The following AOPEP variants were observed in gnomAD, a reference collection of about 807,000 sequenced individuals.
AOPEP encodes the protein aminopeptidase O.
In AOPEP, 77 loss-of-function variants were observed where a neutral mutation model predicts 98.1. The ratio of observed to expected loss-of-function variants is 0.78; its 90% CI spans 0.65 to 0.95. The LOEUF (loss-of-function observed/expected upper bound fraction) is 0.95. Ranked by LOEUF, AOPEP falls within the 40% of genes least tolerant of loss-of-function variation. The pLI is 0.00. For missense variants in AOPEP, 1,024 were observed against 1,024.7 expected (o/e 1.00, Z 0.01); for synonymous variants, 346 against 365.3 (o/e 0.95, Z 0.60).
At chr9:94,875,917 C>T (rs1157372720) in intron 5 of AOPEP, among the ~76,000 whole-genome samples, 2 of 152,178 alleles carry the variant, frequency 1.3e-5, no homozygotes, top group Non-Finnish European at 2.9e-5. Flanking sequence ...CCATTCAACA[C>T]TCAATAGATA....
intron 5 of AOPEP, among the ~76,000 whole-genome samples, chr9:94,918,573 G>A (rs1357660889): frequency 6.6e-6 from 1 of 152,226 alleles, no homozygotes; most frequent in Non-Finnish European, 1.5e-5. Context: ...GACTGTGTGA[G>A]CTCCAGTCCT....
intron 7 of AOPEP, chr9:94,932,196 C>T (rs1458585795): frequency 1.0e-6 from 1 of 988,554 alleles, no homozygotes; most frequent in Non-Finnish European, 1.2e-6. Context: ...GAAGGACATA[C>T]AGGTCAGGGT....
chr9:94,823,300 T>G (rs1853688359), intron 5 of AOPEP, among the ~76,000 whole-genome samples: 1 of 152,210 alleles, frequency 6.6e-6, no homozygotes, highest in Non-Finnish European at 1.5e-5. Flanking sequence ...CTGGCTTATA[T>G]GAAATGCTAA....
intron 5 of AOPEP, among the ~76,000 whole-genome samples, chr9:94,836,416 G>A (rs1171899672): frequency 2.6e-5 from 4 of 152,046 alleles, no homozygotes. Flanking sequence ...ATTCTATTAG[G>A]TATTTAGGGG....
At chr9:94,860,280 A>G (rs2044764441) in intron 5 of AOPEP, among the ~76,000 whole-genome samples, 1 of 152,096 alleles carries the variant, frequency 6.6e-6, no homozygotes, top group Admixed American at 6.5e-5. Context: ...CTATGGGAAG[A>G]TTGGCGTGAA....
chr9:94,969,770 A>C (rs542429181), intron 10 of AOPEP, among the ~76,000 whole-genome samples: 7 of 152,338 alleles, frequency 4.6e-5, no homozygotes, highest in African/African-American at 1.7e-4. Context: ...GAGAAATTAA[A>C]CATTTTTTGA....
In AOPEP at chr9:94,794,127, C is replaced by T. The variant is rs567448783; in HGVS notation, c.1118+1209C>T. Among the ~76,000 whole-genome samples, 131 of 152,134 alleles carry T rather than the reference C, an allele frequency of 8.6e-4. 1 individual carries two copies. Among genetic ancestry groups the T allele is most frequent in the Non-Finnish European group, 1.0e-3 (70 of 68,022 alleles). On this transcript the variant is annotated intron_variant, in intron 4 of 16. Coordinates refer to ENST00000375315, the MANE Select transcript of AOPEP (RefSeq NM_001193329.3). ...TTTCTTTCTTTTTTGAAGTATGAAC[C>T]AGATAAAATCATTTTGAGGCTTTAA...
chr9:95,095,014 G>A, the AOPEP span, among the ~76,000 whole-genome samples: 2 of 152,176 alleles, frequency 1.3e-5, no homozygotes, highest in South Asian at 4.1e-4. Flanking sequence ...GGCTGCTGGC[G>A]GATGCAGCTG....
the AOPEP span, chr9:95,117,252 A>G: frequency 3.4e-6 from 5 of 1,451,358 alleles, no homozygotes; most frequent in Non-Finnish European, 4.8e-6. Flanking sequence ...TGAGGAGGTC[A>G]TAATTTGACA....
At chr9:95,088,762 G>C (rs2070824188), downstream of AOPEP, among the ~76,000 whole-genome samples, 1 of 152,234 alleles carries the variant, frequency 6.6e-6, no homozygotes, top group Admixed American at 6.5e-5. Context: ...AAGCTGAACT[G>C]CTGAATAGGT....
At chr9:94,731,506 G>A (rs113231751) in intron 1 of AOPEP, among the ~76,000 whole-genome samples, 7,887 of 152,106 alleles carry the variant, frequency 0.052, 229 homozygotes, top group Admixed American at 0.077. Flanking sequence ...GATTACAGGC[G>A]TGAGCCACCG....
chr9:94,734,060 T>G (rs1018066665), intron 1 of AOPEP, among the ~76,000 whole-genome samples: 6 of 152,218 alleles, frequency 3.9e-5, no homozygotes, highest in African/African-American at 1.2e-4. Context: ...TTTTATTTAT[T>G]TATTTTTATT....
intron 5 of AOPEP, chr9:94,810,018 C>A (rs945538627): frequency 6.4e-6 from 1 of 155,982 alleles, no homozygotes; most frequent in Non-Finnish European, 1.5e-5. Context: ...GGACTGGTAT[C>A]ACCCAGACAG....
chr9:94,836,741 T>A (rs2041650950), intron 5 of AOPEP, among the ~76,000 whole-genome samples: 1 of 152,194 alleles, frequency 6.6e-6, no homozygotes, highest in African/African-American at 2.4e-5. Flanking sequence ...TCATAGATTG[T>A]GGTTTTGGTG....
intron 5 of AOPEP, among the ~76,000 whole-genome samples, chr9:94,815,671 C>T (rs1851556032): frequency 6.6e-6 from 1 of 152,152 alleles, no homozygotes; most frequent in South Asian, 2.1e-4. Flanking sequence ...ATCCCAATGT[C>T]CTGGCTTCCC....
In AOPEP at chr9:94,838,017, A is replaced by AT. The variant is rs199526590; in HGVS notation, c.1364+37026dup. Among the ~76,000 whole-genome samples the AT allele has an allele frequency of 1.5e-3, 224 of 149,540 alleles. 1 individual carries two copies. The highest frequency in any genetic ancestry group is 5.7e-3 in the East Asian group (29 of 5,112). The stretch of plus-strand genomic sequence containing the variant: ...GATTGTATATCTAGAAAACCCAGTA[A>AT]TTTTTTTTTTTGACGGAGTCTTGCT... On this transcript the variant is annotated intron_variant, in intron 5 of 16. Coordinates refer to ENST00000375315, the MANE Select transcript of AOPEP (RefSeq NM_001193329.3).
intron 5 of AOPEP, among the ~76,000 whole-genome samples, chr9:94,834,924 ACT>A (rs1042253764): frequency 6.6e-6 from 1 of 152,148 alleles, no homozygotes; most frequent in African/African-American, 2.4e-5. Context: ...AGGGAGACAA[ACT>A]CTGTTGTTAG....
chr9:94,837,578 A>T (rs537772301), intron 5 of AOPEP, among the ~76,000 whole-genome samples: 2 of 152,364 alleles, frequency 1.3e-5, no homozygotes, highest in East Asian at 3.9e-4. Context: ...AGCGGGTTTC[A>T]TACCAGTAAT....
chr9:94,888,330 T>TGTAC (rs1054018852), intron 5 of AOPEP, among the ~76,000 whole-genome samples: 6 of 151,134 alleles, frequency 4.0e-5, no homozygotes, highest in Non-Finnish European at 7.4e-5. Flanking sequence ...TGTGTGTGTG[T>TGTAC]GTACTTTTTA....
Sources: gnomAD v4.1 joint callset for allele counts (sites outside exome capture counted in the v4.1 genomes callset) on GRCh38, gnomAD v4.1.1 for gene constraint, MANE v1.5 for transcripts, NCBI Gene and HGNC (gene_info 2026-07-23, HGNC 2026-07-21) for gene names.